GALNT7: variants seen among roughly 807,000 people sequenced by gnomAD.
GALNT7 encodes N-acetylgalactosaminyltransferase 7.
A neutral mutation model predicts 82.1 loss-of-function variants in GALNT7; 60 were observed. That is an observed-to-expected ratio of 0.73 (90% confidence interval 0.59 to 0.91). The LOEUF is 0.91. Among genes scored for constraint, GALNT7 ranks in the 40% least tolerant of loss-of-function variants. The pLI, the probability that GALNT7 is intolerant of heterozygous loss-of-function variation, is 0.00. For missense variants in GALNT7, 660 were observed against 804.2 expected (o/e 0.82, Z 2.17); for synonymous variants, 243 against 275.1 (o/e 0.88, Z 1.15).
intron 1 of GALNT7, among the ~76,000 whole-genome samples, chr4:173,194,687 C>T (rs1054116739): frequency 1.3e-4 from 19 of 151,954 alleles, no homozygotes; most frequent in Non-Finnish European, 2.4e-4. Flanking sequence ...ATGTGCACAA[C>T]GTGCAGGTTT....
chr4:173,178,362 C>CT (rs1732141322), intron 1 of GALNT7, among the ~76,000 whole-genome samples: 1 of 152,052 alleles, frequency 6.6e-6, no homozygotes, highest in Admixed American at 6.6e-5. Context: ...TTTCAATACT[C>CT]TTAGTTTTTA....
In GALNT7 at chr4:173,302,006, G is replaced by A; in HGVS notation, c.1149-41G>A. ...TGCCTATTGGTGAAGGGTTATTGGGGGTTTGTCTGTAATGGTTATTGCAGT... is the reference window on the plus strand; with the variant it reads ...TGCCTATTGGTGAAGGGTTATTGGGAGTTTGTCTGTAATGGTTATTGCAGT... On this transcript the variant is annotated intron_variant, in intron 6 of 11. Transcript: ENST00000265000. This position sits in a 1 kb window ranked among gnomAD's most constrained non-coding sequence, Gnocchi z 4.2. 1 of 909,938 alleles carries A rather than the reference G, an allele frequency of 1.1e-6. No homozygotes were observed. The highest frequency in any genetic ancestry group is 1.8e-6 in the Non-Finnish European group (1 of 542,852). 56.4% of individuals were successfully genotyped at this position (909,938 alleles called of 1,614,324 possible).
intron 2 of GALNT7, among the ~76,000 whole-genome samples, chr4:173,265,114 C>G (rs1735433278): frequency 6.6e-6 from 1 of 152,228 alleles, no homozygotes; most frequent in African/African-American, 2.4e-5. Flanking sequence ...GCCAGGATAC[C>G]AGGCTTGCCC....
chr4:173,211,207 A>T (rs944574911), intron 1 of GALNT7, among the ~76,000 whole-genome samples: 6 of 152,186 alleles, frequency 3.9e-5, no homozygotes, highest in African/African-American at 1.4e-4. Context: ...AGAAGTTCTT[A>T]TCTAGGGATG....
intron 8 of GALNT7, among the ~76,000 whole-genome samples, chr4:173,308,897 C>T (rs1247514485): frequency 2.0e-5 from 3 of 152,062 alleles, no homozygotes; most frequent in Admixed American, 6.6e-5. Context: ...AGGGAGACTT[C>T]GTCTCAAAAA....
intron 1 of GALNT7, among the ~76,000 whole-genome samples, chr4:173,183,193 T>C (rs1232527747): frequency 6.6e-6 from 1 of 151,798 alleles, no homozygotes; most frequent in Non-Finnish European, 1.5e-5. Flanking sequence ...ATTTCATTTC[T>C]AAAATTAGAG....
intron 2 of GALNT7, among the ~76,000 whole-genome samples, chr4:173,268,653 C>A (rs1735602342): frequency 6.7e-6 from 1 of 150,116 alleles, no homozygotes; most frequent in Non-Finnish European, 1.5e-5. Context: ...GCCTCAGCCT[C>A]CCGAGTAGCT....
intron 8 of GALNT7, among the ~76,000 whole-genome samples, chr4:173,304,745 G>C (rs1327233890): frequency 6.6e-6 from 1 of 151,892 alleles, no homozygotes; most frequent in African/African-American, 2.4e-5. Context: ...CTGTTTACTT[G>C]TTTACACTCC....
At chr4:173,318,380 A>G (rs754701090) in intron 10 of GALNT7, 51 bp from the exon 11 acceptor site, 1 of 1,477,124 alleles carries the variant, frequency 6.8e-7, no homozygotes, top group East Asian at 2.4e-5. Context: ...TCAAATGCAC[A>G]TCAGCAGGGA....
intron 1 of GALNT7, among the ~76,000 whole-genome samples, chr4:173,227,012 G>A (rs1052624537): frequency 6.6e-6 from 1 of 152,142 alleles, no homozygotes; most frequent in Non-Finnish European, 1.5e-5. Context: ...AACTGGAAAT[G>A]AAATGCCTTA....
intron 2 of GALNT7, among the ~76,000 whole-genome samples, chr4:173,285,405 A>G (rs563236723): frequency 6.6e-6 from 1 of 152,346 alleles, no homozygotes; most frequent in South Asian, 2.1e-4. Flanking sequence ...GACCATACTA[A>G]TTGTGAAGCA....
At chr4:173,205,614 C>G (rs1382972000) in intron 1 of GALNT7, among the ~76,000 whole-genome samples, 1 of 152,144 alleles carries the variant, frequency 6.6e-6, no homozygotes, top group Non-Finnish European at 1.5e-5. Flanking sequence ...CCTGGTGCCT[C>G]AGACCCAGTC....
intron 2 of GALNT7, among the ~76,000 whole-genome samples, chr4:173,256,738 T>C (rs1735052972): frequency 6.6e-6 from 1 of 152,250 alleles, no homozygotes; most frequent in African/African-American, 2.4e-5. Flanking sequence ...CTTAGGGCTA[T>C]GCTATGACTG....
In GALNT7 at chr4:173,295,770, A is replaced by C. The variant is rs1377417346; in HGVS notation, c.892A>C (p.Ile298Leu). 1 of 1,599,888 alleles carries C rather than the reference A, an allele frequency of 6.3e-7. No homozygotes were observed. The change falls in exon 5 of 12, where the codon ATA (isoleucine) becomes CTA (leucine). Residue 298 changes from isoleucine (I) to leucine (L), a missense_variant. Transcript: ENST00000265000. ...AQKAKLGQVL[I>L]YLDAHCEVAV... ...CCTGCCTCTTTTTTTTAAGGTTTTG[A>C]TATACCTTGATGCCCACTGTGAGGT...
At chr4:173,289,966 A>G (rs1736475217) in intron 2 of GALNT7, among the ~76,000 whole-genome samples, 1 of 152,230 alleles carries the variant, frequency 6.6e-6, no homozygotes, top group African/African-American at 2.4e-5. Flanking sequence ...AAGAATAGAC[A>G]TTACTGAGAA....
intron 1 of GALNT7, among the ~76,000 whole-genome samples, chr4:173,216,728 T>TATATATATATATATATATA (rs374031950): frequency 6.2e-4 from 5 of 8,054 alleles, no homozygotes; most frequent in African/African-American, 1.6e-3. Context: ...TATATATATA[T>TATATATATATATATATATA]TTTTTTTTTT....
chr4:173,297,523 A>G (rs2126838796), intron 5 of GALNT7, among the ~76,000 whole-genome samples: 1 of 152,352 alleles, frequency 6.6e-6, no homozygotes, highest in Admixed American at 6.5e-5. Context: ...CTTTAGGACC[A>G]AAGCGAAAAG....
intron 1 of GALNT7, among the ~76,000 whole-genome samples, chr4:173,181,667 G>GT (rs1732254515): frequency 6.6e-6 from 1 of 152,146 alleles, no homozygotes; most frequent in Non-Finnish European, 1.5e-5. Context: ...ATTTTGAAGA[G>GT]TGGAATCACC....
intron 2 of GALNT7, among the ~76,000 whole-genome samples, chr4:173,288,068 G>A (rs1736393834): frequency 6.6e-6 from 1 of 151,784 alleles, no homozygotes; most frequent in Non-Finnish European, 1.5e-5. Context: ...CGGATCACGA[G>A]GTCAGGAGAT....
Sources: allele counts gnomAD v4.1 joint callset (sites outside exome capture counted in the v4.1 genomes callset), GRCh38; gene constraint gnomAD v4.1.1; non-coding constraint Gnocchi (gnomAD v3.1); transcripts MANE v1.5; gene names NCBI Gene and HGNC (gene_info 2026-07-23, HGNC 2026-07-21).